The following MAP6 variants were observed in gnomAD, a reference collection of about 807,000 sequenced individuals.
The protein encoded by MAP6 is microtubule-associated protein 6.
MAP6 carries 26 observed loss-of-function variants against 42.4 expected under a neutral mutation model. The ratio of observed to expected loss-of-function variants is 0.61; its 90% confidence interval spans 0.45 to 0.85. The LOEUF is 0.85. Among genes scored for constraint, MAP6 ranks in the 40% least tolerant of loss-of-function variants. The pLI is 0.00. For synonymous variants in MAP6, 418 were observed against 443.8 expected, an observed-to-expected ratio of 0.94 and a Z score of 0.73; for missense variants, 966 against 1,099.0, an observed-to-expected ratio of 0.88 and a Z score of 1.71.
intron 1 of MAP6, among the ~76,000 whole-genome samples, chr11:75,644,799 G>T (rs1196034435): frequency 6.6e-6 from 1 of 152,058 alleles, no homozygotes; most frequent in Admixed American, 6.6e-5. Flanking sequence ...AGAAAATTTG[G>T]TTGACTGAGT....
intron 1 of MAP6, among the ~76,000 whole-genome samples, chr11:75,649,611 T>A (rs1201256881): frequency 6.6e-6 from 1 of 152,176 alleles, no homozygotes; most frequent in African/African-American, 2.4e-5. Flanking sequence ...CAATCTCGGC[T>A]CACTGCAACC....
In MAP6 at chr11:75,587,518, T is replaced by C. The variant is rs773799318; in HGVS notation, c.1983A>G (p.Gln661=). ...SAMATAPIKN[Q]GSMVSEPVKN... is the part of the protein sequence containing the mutation. ...TTACAGGCTCAGAGACCATGGAACC[T>C]TGATTCTTTATGGGTGCTGTGGCCA... Residue 661 remains glutamine, a synonymous_variant, in exon 4 of 4, where the codon CAA becomes CAG. Coordinates refer to ENST00000304771, the MANE Select transcript of MAP6 (RefSeq NM_033063.2). The C allele has an allele frequency of 6.2e-7, 1 of 1,614,164 alleles. No homozygotes were observed. Among genetic ancestry groups the C allele is most frequent in the Non-Finnish European group, 8.5e-7 (1 of 1,180,022 alleles).
intron 3 of MAP6, among the ~76,000 whole-genome samples, chr11:75,589,099 T>C (rs1320606387): frequency 6.6e-6 from 1 of 152,212 alleles, no homozygotes; most frequent in Non-Finnish European, 1.5e-5. Context: ...CCTGATCCCC[T>C]AACTCCATTC....
At chr11:75,609,188 C>T (rs952513444) in intron 1 of MAP6, among the ~76,000 whole-genome samples, 4 of 152,292 alleles carry the variant, frequency 2.6e-5, no homozygotes, top group Admixed American at 1.3e-4. Flanking sequence ...GAGTAGATGG[C>T]TGACAATGTT....
chr11:75,604,038 C>T (rs1942713655), intron 3 of MAP6: 18 of 985,876 alleles, frequency 1.8e-5, no homozygotes, highest in Non-Finnish European at 2.2e-5. Context: ...TAGTCATTTC[C>T]TGATAGCTTT....
chr11:75,602,792 T>C (rs1942687820), intron 3 of MAP6: 1 of 980,850 alleles, frequency 1.0e-6, no homozygotes, highest in African/African-American at 1.7e-5. Flanking sequence ...AGAGAATGGC[T>C]CAAATGCAAA....
chr11:75,606,491 C>T (rs1045407082), intron 2 of MAP6, among the ~76,000 whole-genome samples: 2 of 152,146 alleles, frequency 1.3e-5, no homozygotes, highest in Non-Finnish European at 2.9e-5. Flanking sequence ...CACCCAAGAC[C>T]CAGATGGAGA....
At chr11:75,642,928 G>T in intron 1 of MAP6, 1 of 459,982 alleles carries the variant, frequency 2.2e-6, no homozygotes, top group South Asian at 1.6e-5. Context: ...CACAATAAAT[G>T]TTCTGGTTAA....
intron 3 of MAP6, among the ~76,000 whole-genome samples, chr11:75,602,384 C>T (rs1292336506): frequency 6.6e-6 from 1 of 152,132 alleles, no homozygotes; most frequent in Non-Finnish European, 1.5e-5. Context: ...GGCACACACA[C>T]GACTGTCACC....
At chr11:75,624,014 C>T (rs565407152) in intron 1 of MAP6, among the ~76,000 whole-genome samples, 44 of 152,318 alleles carry the variant, frequency 2.9e-4, no homozygotes, top group African/African-American at 8.9e-4. Context: ...AGGCCAGCAG[C>T]GGGTGGGCAG....
At chr11:75,647,824 A>C (rs1943587207) in intron 1 of MAP6, among the ~76,000 whole-genome samples, 2 of 152,238 alleles carry the variant, frequency 1.3e-5, no homozygotes, top group Non-Finnish European at 2.9e-5. Flanking sequence ...TAAATACGAA[A>C]GGATAAATGT....
intron 1 of MAP6, among the ~76,000 whole-genome samples, chr11:75,654,597 C>T (rs1943704992): frequency 6.6e-6 from 1 of 152,122 alleles, no homozygotes; most frequent in Non-Finnish European, 1.5e-5. Flanking sequence ...TCTACCCTAG[C>T]GTAGTGATTC....
intron 3 of MAP6, chr11:75,603,951 A>G: frequency 1.0e-6 from 1 of 985,780 alleles, no homozygotes; most frequent in Non-Finnish European, 1.2e-6. Flanking sequence ...GATACAATTA[A>G]GATCATGTTG....
Position 75,667,943 on chromosome 11 carries a change from A to G in MAP6, c.427T>C (p.Tyr143His). Reference protein sequence around the residue: ...PEPSCRPRSEYQPSDAPFERE... With the variant: ...PEPSCRPRSEHQPSDAPFERE... Reference sequence around the variant, plus strand: ...TCGAAGGGAGCGTCGGAGGGCTGGTATTCGCTGCGCGGCCGGCAGCTGGGC... The same window carrying G: ...TCGAAGGGAGCGTCGGAGGGCTGGTGTTCGCTGCGCGGCCGGCAGCTGGGC... Residue 143 changes from tyrosine (Y) to histidine (H), a missense_variant, in exon 1 of 4, where the codon TAC (tyrosine) becomes CAC (histidine). Tyr to His is a moderately conservative substitution (Grantham distance 83). Transcript: ENST00000304771. The surrounding 1 kb of genome is among the most constrained non-coding windows in gnomAD (Gnocchi z 5.6). 1.5e-6 allele frequency: 2 copies of G among 1,354,908 alleles called. No individual in the cohort carries two copies. Among genetic ancestry groups the G allele is most frequent in the South Asian group, 1.8e-5 (1 of 56,854 alleles). 83.9% of individuals were successfully genotyped at this position (1,354,908 alleles called of 1,614,324 possible). A position where few individuals can be genotyped will look rare whatever the true frequency, so the allele number is the denominator to read the frequency against.
intron 1 of MAP6, among the ~76,000 whole-genome samples, chr11:75,648,498 A>AAAACAAAC (rs145625627): frequency 6.8e-4 from 103 of 152,046 alleles, no homozygotes; most frequent in African/African-American, 2.3e-3. Flanking sequence ...ACCCTGTCTA[A>AAAACAAAC]AAACAAACAA....
chr11:75,620,067 T>C (rs189486839), intron 1 of MAP6, among the ~76,000 whole-genome samples: 8 of 152,316 alleles, frequency 5.3e-5, no homozygotes, highest in Admixed American at 5.2e-4. Flanking sequence ...CTCTTAGTAA[T>C]TTAAAATCTT....
intron 3 of MAP6, chr11:75,604,111 C>G (rs1942715106): frequency 1.0e-6 from 1 of 985,776 alleles, no homozygotes; most frequent in African/African-American, 1.7e-5. Flanking sequence ...TCATACTTCT[C>G]CTTCCTCACA....
chr11:75,658,398 C>CG (rs1338333987), intron 1 of MAP6, among the ~76,000 whole-genome samples: 2 of 53,212 alleles, frequency 3.8e-5, no homozygotes, highest in Admixed American at 2.4e-4. Context: ...ATTTCTCCAC[C>CG]CCCCCCGCCC....
intron 3 of MAP6, among the ~76,000 whole-genome samples, chr11:75,588,466 C>A (rs1247610101): frequency 6.6e-6 from 1 of 152,146 alleles, no homozygotes; most frequent in African/African-American, 2.4e-5. Context: ...AATGGCAGTA[C>A]TGTAGCTGGA....
Sources: gnomAD v4.1 joint callset for allele counts (sites outside exome capture counted in the v4.1 genomes callset) on GRCh38, gnomAD v4.1.1 for gene constraint, Gnocchi (gnomAD v3.1) non-coding constraint, MANE v1.5 for transcripts, NCBI Gene and HGNC (gene_info 2026-07-23, HGNC 2026-07-21) for gene names.